Variants in ELP3 observed in about 807,000 individuals in gnomAD.
ELP3 encodes elongator complex protein 3.
Under a neutral mutation model 74.9 loss-of-function variants are expected in ELP3, and 56 were observed. That is an observed-to-expected ratio of 0.75 (90% CI 0.60 to 0.93). The LOEUF (loss-of-function observed/expected upper bound fraction) is 0.93, where lower values mean the gene tolerates loss of function less well. Ranked by LOEUF, ELP3 falls within the 40% of genes least tolerant of loss-of-function variation. The pLI, the probability that ELP3 is intolerant of heterozygous loss-of-function variation, is 0.00. For missense variants in ELP3, 573 were observed against 686.5 expected (o/e 0.83, Z 1.85); for synonymous variants, 222 against 239.8 (o/e 0.93, Z 0.68).
intron 5 of ELP3, among the ~76,000 whole-genome samples, chr8:28,108,774 T>A (rs73573288): frequency 0.076 from 11,564 of 152,120 alleles, 847 homozygotes; most frequent in East Asian, 0.33. Flanking sequence ...TATATTTTAA[T>A]AATGGAAGGT....
chr8:28,093,394 C>T, intron 1 of ELP3, 161 bp downstream of exon 1: 5 of 987,464 alleles, frequency 5.1e-6, no homozygotes, highest in Non-Finnish European at 5.9e-6. Flanking sequence ...CGAGCCTTCT[C>T]GTTTTTCCTG....
intron 14 of ELP3, among the ~76,000 whole-genome samples, chr8:28,173,373 T>C (rs1031354507): frequency 2.6e-5 from 4 of 151,978 alleles, no homozygotes; most frequent in African/African-American, 9.7e-5. Flanking sequence ...ATCTAGGTTA[T>C]CTAACATGTT....
At chr8:28,158,050 C>CAAA (rs11323782) in intron 11 of ELP3, among the ~76,000 whole-genome samples, 2 of 93,646 alleles carry the variant, frequency 2.1e-5, no homozygotes, top group Non-Finnish European at 2.2e-5. Context: ...GCCCTTCTTG[C>CAAA]AAAAAAAAAA....
At chr8:28,157,225 C>G (rs1036199168) in intron 11 of ELP3, among the ~76,000 whole-genome samples, 1 of 143,876 alleles carries the variant, frequency 7.0e-6, no homozygotes, top group African/African-American at 2.6e-5. Flanking sequence ...TATCTAGTTC[C>G]TATAGGCAAC....
chr8:28,146,392 A>G (rs974854151), intron 10 of ELP3, among the ~76,000 whole-genome samples: 4 of 152,240 alleles, frequency 2.6e-5, no homozygotes, highest in African/African-American at 9.6e-5. Flanking sequence ...CTGCAGACAA[A>G]AAAAGGCCTA....
rs1815386893 is a variant in ELP3, at chr8:28,189,802, A to T, written c.*77A>T. 4.7e-6 allele frequency: 7 copies of T among 1,486,554 alleles called. No individual in the cohort carries two copies. The highest frequency in any genetic ancestry group is 6.6e-6 in the Non-Finnish European group (7 of 1,067,438). 92.1% of individuals were successfully genotyped at this position (1,486,554 alleles called of 1,614,324 possible). A position where few individuals can be genotyped will look rare whatever the true frequency, so the allele number is the denominator to read the frequency against. ...AATCAGGATTTCTTAAATACTCAAC[A>T]GAGAGGCTGAGCAGAGCAAATGGGG... On this transcript the variant is annotated 3_prime_UTR_variant, in exon 15 of 15. Coordinates refer to ENST00000256398, the MANE Select transcript of ELP3 (RefSeq NM_018091.6).
chr8:28,152,648 A>C (rs1414856574), intron 10 of ELP3, among the ~76,000 whole-genome samples: 7 of 152,194 alleles, frequency 4.6e-5, no homozygotes, highest in African/African-American at 1.7e-4. Context: ...TCTACTAAAA[A>C]TACAAAAATT....
chr8:28,116,091 T>C (rs999003476), intron 7 of ELP3, among the ~76,000 whole-genome samples: 12 of 152,200 alleles, frequency 7.9e-5, no homozygotes, highest in South Asian at 4.1e-4. Context: ...AGTTAGCTAA[T>C]GACCTGGGTA....
chr8:28,187,766 CG>C (rs1373566556), intron 14 of ELP3, among the ~76,000 whole-genome samples: 6 of 151,886 alleles, frequency 4.0e-5, no homozygotes, highest in African/African-American at 1.5e-4. Flanking sequence ...AGGGAGCTTG[CG>C]GGGCAGGTTA....
chr8:28,129,359 A>T (rs1812703567), intron 7 of ELP3, 143 bp from the exon 8 acceptor site: 1 of 750,114 alleles, frequency 1.3e-6, no homozygotes, highest in Non-Finnish European at 2.2e-6. Context: ...CAGAGCCAGG[A>T]TTTGAACTCA....
At position 28,149,298 on chromosome 8, in the gene ELP3, T is replaced by C. The variant is rs78064703; in HGVS notation, c.1101-6644T>C. Among the ~76,000 whole-genome samples the C allele has an allele frequency of 1.3e-4, 20 of 152,356 alleles. No homozygotes were observed. The East Asian group carries it at 3.9e-3, about 29-fold the overall frequency. ...AGAAGTATTCCCTCTGCTTCTGTCC[T>C]CTGAAAGAGATTGTAGAGAATTGGC... On this transcript the variant is annotated intron_variant, in intron 10 of 14. Coordinates refer to ENST00000256398, the MANE Select transcript of ELP3 (RefSeq NM_018091.6).
At chr8:28,108,457 C>CTTTTTTTTTTTT (rs33948469) in intron 5 of ELP3, among the ~76,000 whole-genome samples, 45 of 117,538 alleles carry the variant, frequency 3.8e-4, no homozygotes, top group Non-Finnish European at 4.7e-4. Flanking sequence ...ATTTTTTTTT[C>CTTTTTTTTTTTT]TTTTTTTTTT....
At chr8:28,106,465 G>C (rs555396405) in intron 3 of ELP3, among the ~76,000 whole-genome samples, 2 of 150,014 alleles carry the variant, frequency 1.3e-5, no homozygotes, top group East Asian at 3.9e-4. Flanking sequence ...GCGTGAACCC[G>C]GGAGGCGGAG....
chr8:28,094,658 C>T (rs1027310273), intron 1 of ELP3, among the ~76,000 whole-genome samples: 1 of 151,998 alleles, frequency 6.6e-6, no homozygotes, highest in African/African-American at 2.4e-5. Flanking sequence ...GGGAGAATCA[C>T]TTGAACCTGG....
At chr8:28,181,921 C>CCT (rs1815025995) in intron 14 of ELP3, among the ~76,000 whole-genome samples, 1 of 152,058 alleles carries the variant, frequency 6.6e-6, no homozygotes, top group Non-Finnish European at 1.5e-5. Flanking sequence ...TTTAAATCTC[C>CCT]CTCTAACTTT....
chr8:28,099,262 C>T (rs192944868), intron 2 of ELP3, among the ~76,000 whole-genome samples: 1 of 152,020 alleles, frequency 6.6e-6, no homozygotes, highest in Non-Finnish European at 1.5e-5. Flanking sequence ...TTCTGCATAG[C>T]CATCCTTGAT....
intron 14 of ELP3, among the ~76,000 whole-genome samples, chr8:28,187,242 C>T (rs926874011): frequency 1.3e-5 from 2 of 152,214 alleles, no homozygotes; most frequent in African/African-American, 2.4e-5. Context: ...CCCGAGCCAC[C>T]ACCATCTCCC....
At chr8:28,091,568 G>A (rs1395212151), upstream of ELP3, among the ~76,000 whole-genome samples, 4 of 152,074 alleles carry the variant, frequency 2.6e-5, no homozygotes, top group East Asian at 7.7e-4. Context: ...ATTCTAGTAG[G>A]GTACATATTC....
At chr8:28,181,863 A>G (rs1284623883) in intron 14 of ELP3, among the ~76,000 whole-genome samples, 1 of 152,220 alleles carries the variant, frequency 6.6e-6, no homozygotes, top group East Asian at 1.9e-4. Flanking sequence ...TACATTTTAA[A>G]TAAATTAGTG....
Sources: allele counts gnomAD v4.1 joint callset (sites outside exome capture counted in the v4.1 genomes callset), GRCh38; gene constraint gnomAD v4.1.1; transcripts MANE v1.5; gene names NCBI Gene and HGNC (gene_info 2026-07-23, HGNC 2026-07-21).